The following FAM53B variants were observed in gnomAD, a reference collection of about 807,000 sequenced individuals.
The protein encoded by FAM53B is family with sequence similarity 53 member B, also known as protein FAM53B.
In FAM53B, 12 loss-of-function variants were observed where a neutral mutation model predicts 32.7. The observed-to-expected ratio is 0.37, with a 90% CI of 0.24 to 0.59. The LOEUF (loss-of-function observed/expected upper bound fraction) is 0.59. Among genes scored for constraint, FAM53B ranks in the 20% least tolerant of loss-of-function variants. FAM53B has a pLI of 0.72. For synonymous variants in FAM53B, 234 were observed against 228.7 expected (o/e 1.02, Z -0.21); for missense variants, 477 against 577.7 (o/e 0.83, Z 1.79).
At chr10:124,725,813 A>C (rs189190122) in intron 1 of FAM53B, among the ~76,000 whole-genome samples, 1 of 152,326 alleles carries the variant, frequency 6.6e-6, no homozygotes, top group East Asian at 1.9e-4. Context: ...ACGGAAAACA[A>C]AACATCTCCG....
At chr10:124,715,788 A>G (rs1020429417) in intron 1 of FAM53B, among the ~76,000 whole-genome samples, 1 of 152,336 alleles carries the variant, frequency 6.6e-6, no homozygotes, top group South Asian at 2.1e-4. Context: ...TGTAACATGT[A>G]AGACGTTACC....
intron 4 of FAM53B, among the ~76,000 whole-genome samples, chr10:124,676,322 T>C (rs1949736092): frequency 6.6e-6 from 1 of 152,206 alleles, no homozygotes; most frequent in African/African-American, 2.4e-5. Context: ...ATTCCTCTAC[T>C]TGCCGTCAGC....
intron 1 of FAM53B, among the ~76,000 whole-genome samples, chr10:124,722,812 G>A (rs927331022): frequency 6.6e-6 from 1 of 152,218 alleles, no homozygotes; most frequent in African/African-American, 2.4e-5. Context: ...AGGGAGACGT[G>A]TAGCTGGGGA....
At chr10:124,639,951 T>C (rs1374527023) in intron 4 of FAM53B, among the ~76,000 whole-genome samples, 2 of 150,068 alleles carry the variant, frequency 1.3e-5, no homozygotes, top group African/African-American at 2.5e-5. Context: ...CAGGTTCAAA[T>C]CCAGATCTGT....
chr10:124,693,231 T>A (rs1484450450), intron 3 of FAM53B, among the ~76,000 whole-genome samples: 1 of 151,672 alleles, frequency 6.6e-6, no homozygotes, highest in South Asian at 2.1e-4. Flanking sequence ...CAGCACTTTG[T>A]GAGGCTGAGG....
chr10:124,696,249 C>A, intron 2 of FAM53B, 37 bp from the exon 3 acceptor site: 1 of 1,580,412 alleles, frequency 6.3e-7, no homozygotes, highest in South Asian at 1.1e-5. Context: ...CTCTTCAAAT[C>A]ATAGGAAGCA....
At chr10:124,635,313 G>A (rs769769049) in intron 4 of FAM53B, among the ~76,000 whole-genome samples, 6 of 152,070 alleles carry the variant, frequency 3.9e-5, no homozygotes, top group East Asian at 1.9e-4. Flanking sequence ...GGCTGGTCTC[G>A]AACTCCTGAC....
Position 124,706,823 on chromosome 10 carries a change from T to C in FAM53B, c.-110A>G. On this transcript the variant is annotated 5_prime_UTR_variant, in exon 2 of 5. Coordinates refer to ENST00000337318, the MANE Select transcript of FAM53B (RefSeq NM_014661.4). ...GGGAATTGATGTCAGCAGAAACAGC[T>C]CCCCATTGGCCACTCACCCTTGGGG... 1.9e-6 allele frequency: 3 copies of C among 1,567,166 alleles called. No individual in the cohort carries two copies. The highest frequency in any genetic ancestry group is 2.6e-6 in the Non-Finnish European group (3 of 1,155,728).
chr10:124,657,080 ATGTG>A lies in FAM53B; in HGVS notation c.906+24523_906+24526del, dbSNP rs1236706125. On this transcript the variant is annotated intron_variant, in intron 4 of 4. Transcript: ENST00000337318. ...TATATGTATATATATATGTATATATATGTGTGTGTATATATATGTGTATATATAT... is the reference window on the plus strand; with the variant it reads ...TATATGTATATATATATGTATATATATGTGTATATATATGTGTATATATAT... Among the ~76,000 whole-genome samples the A allele has an allele frequency of 2.4e-3, 306 of 128,474 alleles. 4 individuals are homozygous for A. The East Asian group carries it at 0.034, about 14-fold the overall frequency. 84.3% of individuals were successfully genotyped at this position (128,474 alleles called of 152,430 possible). A position where few individuals can be genotyped will look rare whatever the true frequency, so the allele number is the denominator to read the frequency against.
At chr10:124,628,035 C>G (rs10794171) in intron 4 of FAM53B, among the ~76,000 whole-genome samples, 29,712 of 152,218 alleles carry the variant, frequency 0.2, 3,146 homozygotes, top group East Asian at 0.29. Flanking sequence ...CTACTCACTC[C>G]GTCCAGCCTC....
chr10:124,672,832 T>A (rs923159463), intron 4 of FAM53B, among the ~76,000 whole-genome samples: 2 of 151,706 alleles, frequency 1.3e-5, no homozygotes, highest in African/African-American at 4.9e-5. Context: ...GACTGGGGGG[T>A]AAGACAGTCC....
intron 2 of FAM53B, among the ~76,000 whole-genome samples, chr10:124,700,651 G>C (rs568429197): frequency 1.3e-5 from 2 of 152,332 alleles, no homozygotes; most frequent in Non-Finnish European, 2.9e-5. Context: ...AGGGCCATCT[G>C]TCTGACTAAA....
At chr10:124,701,761 A>C (rs566064590) in intron 2 of FAM53B, among the ~76,000 whole-genome samples, 1 of 149,038 alleles carries the variant, frequency 6.7e-6, no homozygotes, top group African/African-American at 2.5e-5. Flanking sequence ...AGCCAGGGCC[A>C]TGGGCACAGC....
In FAM53B at chr10:124,626,004, C is replaced by T. The variant is rs566656234; in HGVS notation, c.907-2400G>A. 5.8e-4 allele frequency among the ~76,000 whole-genome samples: 89 copies of T among 152,334 alleles called. 1 individual carries two copies. The highest frequency in any genetic ancestry group is 8.5e-4 in the Admixed American group (13 of 15,306). ...ATGTCCAGTCAAGGCCAGAGCAGCC[C>T]GGATGACATGCTGTGAACAGGTTCT... On this transcript the variant is annotated intron_variant, in intron 4 of 4. Coordinates refer to ENST00000337318, the MANE Select transcript of FAM53B (RefSeq NM_014661.4).
At chr10:124,684,816 G>A (rs751605113) in intron 3 of FAM53B, among the ~76,000 whole-genome samples, 6 of 152,180 alleles carry the variant, frequency 3.9e-5, no homozygotes, top group Non-Finnish European at 8.8e-5. Flanking sequence ...ACCGTGACCA[G>A]CTATAAAGTA....
chr10:124,682,243 G>A lies in FAM53B; in HGVS notation c.270C>T (p.Thr90=), dbSNP rs923599491. 1 of 1,614,086 alleles carries A rather than the reference G, an allele frequency of 6.2e-7. No individual in the cohort carries two copies. The change falls in exon 4 of 5, where the codon ACC becomes ACT. Residue 90 remains threonine (T), a synonymous_variant. Transcript: ENST00000337318. This position sits in a 1 kb window ranked among gnomAD's most constrained non-coding sequence, Gnocchi z 5.2. ...TGATGCTGAGGTCTTTGATCAGACT[G>A]GTCACAGCGCAGGCGGTCACTGCCT... is the stretch of plus-strand genomic sequence containing the variant. ...HREAVTACAV[T]SLIKDLSISD... is the part of the protein sequence containing the mutation.
At chr10:124,647,176 G>A (rs1382839309) in intron 4 of FAM53B, among the ~76,000 whole-genome samples, 2 of 152,144 alleles carry the variant, frequency 1.3e-5, no homozygotes. Context: ...AAGCACGTGG[G>A]GAAAATATCA....
chr10:124,644,698 A>T (rs1949500139), intron 4 of FAM53B, among the ~76,000 whole-genome samples: 1 of 152,164 alleles, frequency 6.6e-6, no homozygotes, highest in Non-Finnish European at 1.5e-5. Context: ...TCAGTTTCCC[A>T]CATGGCTGTG....
At chr10:124,660,305 G>A (rs1408856761) in intron 4 of FAM53B, among the ~76,000 whole-genome samples, 1 of 152,324 alleles carries the variant, frequency 6.6e-6, no homozygotes. Context: ...TCTCAAGCAT[G>A]AGGGCAACAC....
Sources: allele counts gnomAD v4.1 joint callset (sites outside exome capture counted in the v4.1 genomes callset), GRCh38; gene constraint gnomAD v4.1.1; non-coding constraint Gnocchi (gnomAD v3.1); transcripts MANE v1.5; gene names NCBI Gene and HGNC (gene_info 2026-07-23, HGNC 2026-07-21).